Variants in DPP10 observed in about 807,000 individuals in gnomAD.
DPP10 encodes the protein dipeptidyl peptidase like 10, also known as inactive dipeptidyl peptidase 10.
DPP10 carries 33 observed loss-of-function variants against 120.9 expected under a neutral mutation model. The ratio of observed to expected loss-of-function variants is 0.27; its 90% CI spans 0.21 to 0.37. The LOEUF is 0.37. DPP10 is among the 10% of genes least tolerant of loss of function. The probability of loss-of-function intolerance (pLI) is 1.00; values close to 1 mark genes in which losing one functional copy is unlikely to be tolerated. For synonymous variants in DPP10, 337 were observed against 326.1 expected, an observed-to-expected ratio of 1.03 and a Z score of -0.36; for missense variants, 816 against 942.8, an observed-to-expected ratio of 0.87 and a Z score of 1.76.
rs71394156 is a variant in DPP10, at chr2:115,617,289, T to TAC, written c.442-72392_442-72391dup. 8.2e-3 allele frequency among the ~76,000 whole-genome samples: 1,126 copies of TAC among 136,518 alleles called. 24 individuals carry two copies. Among genetic ancestry groups the TAC allele is most frequent in the African/African-American group, 0.027 (1,009 of 37,376 alleles). The allele number at this position is 136,518 out of a possible 152,430, so 89.6% of individuals were successfully genotyped here. On this transcript the variant is annotated intron_variant, in intron 5 of 25. Coordinates refer to ENST00000410059, the MANE Select transcript of DPP10 (RefSeq NM_020868.6). The stretch of plus-strand genomic sequence containing the variant: ...TATATTTTTTATATATATATATATA[T>TAC]ACACACATAGCATATATGTATATGC...
chr2:115,756,620 A>T (rs1018758071), intron 11 of DPP10, among the ~76,000 whole-genome samples: 31 of 152,268 alleles, frequency 2.0e-4, no homozygotes, highest in Middle Eastern at 3.4e-3. Context: ...TCATAATTAG[A>T]AACCTTGCCA....
At chr2:114,793,967 C>T (rs1005841204) in intron 1 of DPP10, among the ~76,000 whole-genome samples, 3 of 152,176 alleles carry the variant, frequency 2.0e-5, no homozygotes, top group African/African-American at 7.2e-5. Context: ...TAAGGTTGCT[C>T]AGTCTGGTGT....
intron 3 of DPP10, among the ~76,000 whole-genome samples, chr2:115,360,972 T>C (rs999867899): frequency 4.6e-5 from 7 of 152,080 alleles, no homozygotes; most frequent in African/African-American, 1.7e-4. Flanking sequence ...TGTGCTTGAC[T>C]GATCAGGTCT....
intron 2 of DPP10, among the ~76,000 whole-genome samples, chr2:115,336,725 T>G (rs2063162445): frequency 6.6e-6 from 1 of 151,946 alleles, no homozygotes; most frequent in Non-Finnish European, 1.5e-5. Flanking sequence ...CAATATTTTC[T>G]TTACATTAGG....
intron 1 of DPP10, among the ~76,000 whole-genome samples, chr2:114,644,342 C>CTGTGTG (rs370038985): frequency 7.0e-6 from 1 of 143,234 alleles, no homozygotes; most frequent in Admixed American, 6.9e-5. Context: ...CTGTGTGTGT[C>CTGTGTG]TGTGTGTGTG....
chr2:115,703,046 C>G (rs954482919), intron 7 of DPP10, among the ~76,000 whole-genome samples: 4 of 151,762 alleles, frequency 2.6e-5, no homozygotes, highest in Admixed American at 2.6e-4. Flanking sequence ...AGAAAGTATA[C>G]TTATCTATAA....
At chr2:115,018,120 C>G (rs1702799268) in intron 1 of DPP10, among the ~76,000 whole-genome samples, 1 of 152,102 alleles carries the variant, frequency 6.6e-6, no homozygotes, top group Non-Finnish European at 1.5e-5. Context: ...CTCATCATCA[C>G]TGTTCATTAG....
intron 1 of DPP10, among the ~76,000 whole-genome samples, chr2:114,940,974 G>T (rs548908731): frequency 6.6e-6 from 1 of 152,026 alleles, no homozygotes; most frequent in African/African-American, 2.4e-5. Context: ...TTTTACAATG[G>T]GACTATTGTC....
At chr2:114,545,570 AG>A (rs1687325427) in intron 1 of DPP10, among the ~76,000 whole-genome samples, 1 of 152,222 alleles carries the variant, frequency 6.6e-6, no homozygotes. Flanking sequence ...CTTCTCATGC[AG>A]GGGATTTAGA....
intron 1 of DPP10, among the ~76,000 whole-genome samples, chr2:114,761,604 T>A (rs1407849783): frequency 6.6e-6 from 1 of 152,164 alleles, no homozygotes; most frequent in South Asian, 2.1e-4. Context: ...CTTTGGGTCC[T>A]CTGCATATCA....
chr2:114,871,364 A>G (rs1478658077), intron 1 of DPP10, among the ~76,000 whole-genome samples: 1 of 152,214 alleles, frequency 6.6e-6, no homozygotes, highest in Non-Finnish European at 1.5e-5. Flanking sequence ...ACACATCAGG[A>G]AAAGGAAAAA....
At chr2:114,996,079 A>T (rs1404838141) in intron 1 of DPP10, among the ~76,000 whole-genome samples, 1 of 152,236 alleles carries the variant, frequency 6.6e-6, no homozygotes, top group South Asian at 2.1e-4. Context: ...GATTCAATCT[A>T]TGCAAGGATG....
At chr2:114,456,013 G>A (rs1457559966) in intron 1 of DPP10, among the ~76,000 whole-genome samples, 2 of 152,068 alleles carry the variant, frequency 1.3e-5, no homozygotes, top group Admixed American at 6.5e-5. Flanking sequence ...TAACTTAAGG[G>A]TACTTCCTTC....
chr2:114,546,564 G>T, intron 1 of DPP10, among the ~76,000 whole-genome samples: 1 of 152,104 alleles, frequency 6.6e-6, no homozygotes, highest in Non-Finnish European at 1.5e-5. Flanking sequence ...CCTTACAGTG[G>T]GCCTGAAGCT....
intron 1 of DPP10, among the ~76,000 whole-genome samples, chr2:115,210,644 A>T (rs113109591): frequency 3.7e-4 from 57 of 152,222 alleles, no homozygotes; most frequent in African/African-American, 1.3e-3. Context: ...AACAGTGTAA[A>T]AGCATTCCTA....
At chr2:114,649,317 A>G (rs1271011290) in intron 1 of DPP10, among the ~76,000 whole-genome samples, 5 of 151,618 alleles carry the variant, frequency 3.3e-5, no homozygotes, top group Admixed American at 3.3e-4. Flanking sequence ...CCAGATTCTC[A>G]CTTAATTGGT....
chr2:115,753,063 ATCCT>A, intron 10 of DPP10, 107 bp from the exon 11 acceptor site: 2 of 937,168 alleles, frequency 2.1e-6, no homozygotes, highest in Non-Finnish European at 3.0e-6. Flanking sequence ...ATGTAGCAAC[ATCCT>A]TATAGTGGTT....
At chr2:115,353,613 C>G (rs1228124570) in intron 3 of DPP10, among the ~76,000 whole-genome samples, 8 of 152,086 alleles carry the variant, frequency 5.3e-5, no homozygotes, top group Non-Finnish European at 8.8e-5. Context: ...AATACGTGTT[C>G]AGTAAGTCAA....
rs1161567947 is a variant in DPP10, at chr2:115,558,440, A to C, written c.441+32468A>C. On this transcript the variant is annotated intron_variant, in intron 5 of 25. Coordinates refer to ENST00000410059, the MANE Select transcript of DPP10 (RefSeq NM_020868.6). The stretch of plus-strand genomic sequence containing the variant: ...CATTGGTCAGAGACTTTAAAACTTC[A>C]GGGTACCCAAGAGTACATTTCAGCG... 2.6e-5 allele frequency among the ~76,000 whole-genome samples: 4 copies of C among 152,132 alleles called. No homozygotes were observed. In the East Asian group the frequency reaches 7.7e-4, roughly 29 times the overall value.
Sources: allele counts gnomAD v4.1 joint callset (sites outside exome capture counted in the v4.1 genomes callset), GRCh38; gene constraint gnomAD v4.1.1; transcripts MANE v1.5; gene names NCBI Gene and HGNC (gene_info 2026-07-23, HGNC 2026-07-21).